The following IFT88 variants were observed in gnomAD, a reference collection of about 807,000 sequenced individuals.
IFT88 encodes the protein intraflagellar transport 88.
A neutral mutation model predicts 119.5 loss-of-function variants in IFT88; 74 were observed. The observed-to-expected ratio is 0.62, with a 90% CI of 0.51 to 0.75. The LOEUF (loss-of-function observed/expected upper bound fraction) is 0.75, where lower values mean the gene tolerates loss of function less well. Ranked by LOEUF, IFT88 falls within the 30% of genes least tolerant of loss-of-function variation. IFT88 has a pLI of 0.00. For missense variants in IFT88, 961 were observed against 977.7 expected, an observed-to-expected ratio of 0.98 and a Z score of 0.23; for synonymous variants, 279 against 316.7, an observed-to-expected ratio of 0.88 and a Z score of 1.26.
At chr13:20,568,395 C>A (rs920364206) in intron 1 of IFT88, among the ~76,000 whole-genome samples, 4 of 152,176 alleles carry the variant, frequency 2.6e-5, no homozygotes, top group African/African-American at 9.6e-5. Flanking sequence ...GCCTCACTTT[C>A]CACATCTTTT....
At chr13:20,682,382 C>T (rs183915263) in intron 24 of IFT88, among the ~76,000 whole-genome samples, 1 of 152,336 alleles carries the variant, frequency 6.6e-6, no homozygotes, top group African/African-American at 2.4e-5. Context: ...GCCTCAGCTT[C>T]CTTTGTTAAT....
In IFT88 at chr13:20,638,449, A is replaced by G; in HGVS notation, c.1504A>G (p.Lys502Glu). ...AGTTTTTGCAAATGGTGATTATGAG[A>G]AGGCCGCTGAATTCTATAAAGAGGC... ...NTVFANGDYEKAAEFYKEALR... is the reference protein window; with the variant it reads ...NTVFANGDYEEAAEFYKEALR... Residue 502 changes from lysine (K) to glutamate (E), a missense_variant, in exon 17 of 26, where the codon AAG becomes GAG. Physicochemically the swap from Lys to Glu is moderately conservative, Grantham distance 56 (BLOSUM62 1). Coordinates refer to ENST00000351808, the MANE Select transcript of IFT88 (RefSeq NM_006531.5). The G allele has an allele frequency of 2.0e-6, 3 of 1,534,490 alleles. No homozygotes were observed. Among genetic ancestry groups the G allele is most frequent in the Non-Finnish European group, 2.6e-6 (3 of 1,146,804 alleles).
At chr13:20,601,565 A>G in intron 11 of IFT88, 140 bp from the exon 12 acceptor site, 1 of 573,606 alleles carries the variant, frequency 1.7e-6, no homozygotes. Flanking sequence ...GTATTTATAT[A>G]AAGCTTTTAT....
intron 14 of IFT88, among the ~76,000 whole-genome samples, chr13:20,619,057 C>T (rs758498783): frequency 5.3e-5 from 8 of 151,966 alleles, no homozygotes; most frequent in South Asian, 4.1e-4. Flanking sequence ...GGGGTTTCAC[C>T]GTGTTAGCCA....
chr13:20,676,202 C>G (rs533332788), intron 24 of IFT88, among the ~76,000 whole-genome samples: 2 of 152,280 alleles, frequency 1.3e-5, no homozygotes, highest in African/African-American at 4.8e-5. Flanking sequence ...TGTCATAATC[C>G]CATTCCTGGC....
chr13:20,655,100 T>C (rs2052506829), intron 21 of IFT88, among the ~76,000 whole-genome samples: 2 of 152,194 alleles, frequency 1.3e-5, no homozygotes, highest in African/African-American at 2.4e-5. Context: ...AATTATTTTG[T>C]TATAAAATAA....
intron 15 of IFT88, among the ~76,000 whole-genome samples, chr13:20,629,029 G>A (rs1242651604): frequency 2.6e-5 from 4 of 152,020 alleles, no homozygotes; most frequent in South Asian, 4.1e-4. Context: ...GTTATTGCTT[G>A]TTAGCATTCT....
At position 20,568,629 on chromosome 13, in the gene IFT88, T is replaced by G. The variant is rs561056170; in HGVS notation, c.-7+1373T>G. Reference sequence around the variant, plus strand: ...CCCAGACCAGTAGCCTCAGCATCACTTGGGTTTAAGAACCACTGGTTTAGT... The same window carrying G: ...CCCAGACCAGTAGCCTCAGCATCACGTGGGTTTAAGAACCACTGGTTTAGT... On this transcript the variant is annotated intron_variant, in intron 1 of 25. Transcript: ENST00000351808. 2.6e-3 allele frequency among the ~76,000 whole-genome samples: 394 copies of G among 152,370 alleles called. 1 individual carries two copies. The highest frequency in any genetic ancestry group is 8.9e-3 in the African/African-American group (370 of 41,590).
At chr13:20,621,173 TC>T (rs1201331946) in intron 14 of IFT88, among the ~76,000 whole-genome samples, 7 of 152,040 alleles carry the variant, frequency 4.6e-5, no homozygotes, top group Non-Finnish European at 8.8e-5. Flanking sequence ...TTCAAGAAAT[TC>T]TCGTACCTCA....
At position 20,656,371 on chromosome 13, in the gene IFT88, A is replaced by G; in HGVS notation, c.2009A>G (p.Tyr670Cys). 6.9e-7 allele frequency: 1 copy of G among 1,451,394 alleles called. No individual in the cohort carries two copies. The highest frequency in any genetic ancestry group is 9.5e-7 in the Non-Finnish European group (1 of 1,057,062). The allele number at this position is 1,451,394 out of a possible 1,614,324, so 89.9% of individuals were successfully genotyped here. A position where few individuals can be genotyped will look rare whatever the true frequency, so the allele number is the denominator to read the frequency against. Residue 670 changes from tyrosine to cysteine, a missense_variant, in exon 22 of 26, where the codon TAC becomes TGC. Transcript: ENST00000351808. Reference sequence around the variant, plus strand: ...TTCTCTTGTTTGTTTATAGGTAACTACCAAAAAGCATTAGATACTTACAAA... The same window carrying G: ...TTCTCTTGTTTGTTTATAGGTAACTGCCAAAAAGCATTAGATACTTACAAA... Reference protein sequence around the residue: ...VASCFRRSGNYQKALDTYKDT... With the variant: ...VASCFRRSGNCQKALDTYKDT...
chr13:20,640,609 A>AATAAATAC (rs1163717524), intron 17 of IFT88, among the ~76,000 whole-genome samples: 40 of 143,602 alleles, frequency 2.8e-4, no homozygotes, highest in Non-Finnish European at 5.0e-4. Flanking sequence ...TAAATAAATA[A>AATAAATAC]ATACAAATTA....
intron 1 of IFT88, among the ~76,000 whole-genome samples, chr13:20,570,378 C>T (rs566793679): frequency 6.6e-6 from 1 of 152,148 alleles, no homozygotes; most frequent in Non-Finnish European, 1.5e-5. Flanking sequence ...TAGATATATT[C>T]CCAATAGAAT....
chr13:20,601,900 AG>A lies in IFT88; in HGVS notation c.1009del (p.Glu337LysfsTer18), dbSNP rs1442649164. ...AFQKLITVPL[E>X]IDEDKYISPS... ...TCCAAAAATTGATTACTGTTCCATTAGAAATTGATGAAGATAAATATATTTC... is the reference window on the plus strand; with the variant it reads ...TCCAAAAATTGATTACTGTTCCATTAAAATTGATGAAGATAAATATATTTC... On this transcript the variant is annotated frameshift_variant, in exon 12 of 26. Coordinates refer to ENST00000351808, the MANE Select transcript of IFT88 (RefSeq NM_006531.5). LOFTEE classifies it high-confidence loss of function. 6.2e-7 allele frequency: 1 copy of A among 1,600,990 alleles called. No homozygotes were observed. Among genetic ancestry groups the A allele is most frequent in the African/African-American group, 1.3e-5 (1 of 74,664 alleles).
At chr13:20,600,287 T>C (rs545473361) in intron 11 of IFT88, among the ~76,000 whole-genome samples, 1 of 152,142 alleles carries the variant, frequency 6.6e-6, no homozygotes, top group South Asian at 2.1e-4. Context: ...GAAAAAAAAT[T>C]GTATTGAGTA....
At chr13:20,592,749 C>T (rs981988515) in intron 7 of IFT88, among the ~76,000 whole-genome samples, 6 of 148,376 alleles carry the variant, frequency 4.0e-5, no homozygotes, top group African/African-American at 1.5e-4. Context: ...GCATTACAGG[C>T]GTGAGCCACC....
At chr13:20,612,695 A>C (rs191414519) in intron 13 of IFT88, among the ~76,000 whole-genome samples, 17 of 152,344 alleles carry the variant, frequency 1.1e-4, no homozygotes, top group Admixed American at 7.2e-4. Context: ...GTTGAAAAAG[A>C]AAAGCAAAGT....
chr13:20,644,982 G>A (rs2050513331), intron 20 of IFT88, 24 bp downstream of exon 20: 2 of 1,126,288 alleles, frequency 1.8e-6, no homozygotes, highest in South Asian at 2.7e-5. Context: ...AGGATTTTAT[G>A]TTTAGTTAAT....
At chr13:20,591,080 A>G (rs1260353185) in intron 5 of IFT88, 60 bp downstream of exon 5, 4 of 1,180,848 alleles carry the variant, frequency 3.4e-6, no homozygotes, top group East Asian at 2.4e-5. Context: ...ATTTACTACC[A>G]AAGTTTTTTT....
At chr13:20,690,139 T>C (rs2058338109) in intron 24 of IFT88, among the ~76,000 whole-genome samples, 2 of 152,106 alleles carry the variant, frequency 1.3e-5, no homozygotes, top group Non-Finnish European at 2.9e-5. Flanking sequence ...AAAAACGAAA[T>C]GGTCAGTGTG....
Sources: gnomAD v4.1 joint callset for allele counts (sites outside exome capture counted in the v4.1 genomes callset) on GRCh38, gnomAD v4.1.1 for gene constraint, MANE v1.5 for transcripts, NCBI Gene and HGNC (gene_info 2026-07-23, HGNC 2026-07-21) for gene names.